STK3: variants seen among roughly 807,000 people sequenced by gnomAD.
STK3 encodes the protein serine/threonine-protein kinase 3.
STK3 carries 41 observed loss-of-function variants against 58.0 expected under a neutral mutation model. That is an observed-to-expected ratio of 0.71 (90% CI 0.55 to 0.92). The LOEUF is 0.92. Among genes scored for constraint, STK3 ranks in the 40% least tolerant of loss-of-function variants. STK3 has a pLI of 0.00. For synonymous variants in STK3, 170 were observed against 191.0 expected (o/e 0.89, Z 0.91); for missense variants, 479 against 602.7 (o/e 0.79, Z 2.15).
intron 3 of STK3, among the ~76,000 whole-genome samples, chr8:98,862,426 A>G (rs762467283): frequency 1.3e-5 from 2 of 152,238 alleles, no homozygotes; most frequent in African/African-American, 2.4e-5. Context: ...ATCAATGCAC[A>G]GTATATCCAA....
At chr8:98,520,241 A>T (rs1309892141) in intron 10 of STK3, among the ~76,000 whole-genome samples, 1 of 152,182 alleles carries the variant, frequency 6.6e-6, no homozygotes, top group East Asian at 1.9e-4. Context: ...TAGGGTTAAA[A>T]ATAATTCAAT....
chr8:98,612,392 T>C (rs1177007273), intron 6 of STK3, among the ~76,000 whole-genome samples: 1 of 149,776 alleles, frequency 6.7e-6, no homozygotes, highest in East Asian at 1.9e-4. Flanking sequence ...AACATATATA[T>C]ATATATACAC....
At chr8:98,620,969 G>A (rs914328125) in intron 6 of STK3, among the ~76,000 whole-genome samples, 15 of 131,942 alleles carry the variant, frequency 1.1e-4, no homozygotes, top group African/African-American at 2.9e-4. Flanking sequence ...TCGCTCTGTC[G>A]CCCAGGCTGG....
At chr8:98,752,334 AC>A (rs1171446353) in intron 3 of STK3, among the ~76,000 whole-genome samples, 3 of 152,208 alleles carry the variant, frequency 2.0e-5, no homozygotes, top group Non-Finnish European at 4.4e-5. Context: ...CCTGACAATA[AC>A]AGGCAATGGA....
At chr8:98,477,838 A>G (rs1481394300) in intron 10 of STK3, among the ~76,000 whole-genome samples, 1 of 150,746 alleles carries the variant, frequency 6.6e-6, no homozygotes, top group Non-Finnish European at 1.5e-5. Context: ...TGGTGGGGTC[A>G]GGGGTAATTC....
chr8:98,905,860 G>A (rs950218573), intron 1 of STK3, among the ~76,000 whole-genome samples: 1 of 152,234 alleles, frequency 6.6e-6, no homozygotes, highest in African/African-American at 2.4e-5. Flanking sequence ...CCACATGGTA[G>A]AAGGAGATTT....
At chr8:98,733,635 T>C (rs1383305380) in intron 4 of STK3, among the ~76,000 whole-genome samples, 1 of 152,190 alleles carries the variant, frequency 6.6e-6, no homozygotes, top group Non-Finnish European at 1.5e-5. Flanking sequence ...AATGAAACTT[T>C]TTCTAAATTG....
intron 4 of STK3, among the ~76,000 whole-genome samples, chr8:98,727,880 T>C (rs1180143858): frequency 1.3e-5 from 2 of 152,216 alleles, no homozygotes; most frequent in African/African-American, 4.8e-5. Flanking sequence ...TTTTATGGCA[T>C]AATCAACTCA....
At chr8:98,584,887 T>A (rs1814346995) in intron 7 of STK3, among the ~76,000 whole-genome samples, 1 of 151,756 alleles carries the variant, frequency 6.6e-6, no homozygotes, top group African/African-American at 2.4e-5. Flanking sequence ...TTTAGCTGCA[T>A]AAATGTCTTC....
chr8:98,767,609 A>T (rs1831030592), intron 2 of STK3, among the ~76,000 whole-genome samples: 2 of 152,222 alleles, frequency 1.3e-5, no homozygotes, highest in South Asian at 4.1e-4. Context: ...TATTTTTCTT[A>T]TGAATGAAAG....
intron 4 of STK3, among the ~76,000 whole-genome samples, chr8:98,713,396 A>G (rs1352623068): frequency 6.6e-6 from 1 of 152,154 alleles, no homozygotes; most frequent in African/African-American, 2.4e-5. Context: ...AGACTAATAG[A>G]AAAGAGAGAA....
chr8:98,673,366 C>T (rs1822965797), intron 6 of STK3, among the ~76,000 whole-genome samples: 1 of 152,158 alleles, frequency 6.6e-6, no homozygotes, highest in Non-Finnish European at 1.5e-5. Context: ...ATAGTACTAA[C>T]ACCCACAAAA....
At chr8:98,794,805 C>T (rs571385994) in intron 1 of STK3, among the ~76,000 whole-genome samples, 109 of 151,986 alleles carry the variant, frequency 7.2e-4, no homozygotes, top group African/African-American at 2.3e-3. Flanking sequence ...CAGTGGCTCA[C>T]GCCTGTAATC....
At chr8:98,701,114 G>GAGCT (rs1825566621) in intron 6 of STK3, among the ~76,000 whole-genome samples, 1 of 148,084 alleles carries the variant, frequency 6.8e-6, no homozygotes, top group Admixed American at 6.7e-5. Context: ...GGGCTGCAGT[G>GAGCT]AGCTGTGATT....
intron 4 of STK3, among the ~76,000 whole-genome samples, chr8:98,745,500 A>C (rs73277822): frequency 0.018 from 2,692 of 152,294 alleles, 73 homozygotes; most frequent in African/African-American, 0.062. Flanking sequence ...GAGAAAATAC[A>C]TTTAAAAGTC....
chr8:98,698,377 T>C (rs1825190901), intron 6 of STK3, among the ~76,000 whole-genome samples: 2 of 152,198 alleles, frequency 1.3e-5, no homozygotes, highest in African/African-American at 4.8e-5. Flanking sequence ...AAAGTTAATA[T>C]TGTTATGTGT....
chr8:98,749,260 AT>A lies in STK3; in HGVS notation c.351+15del, dbSNP rs778018387. The A allele has an allele frequency of 1.3e-6, 2 of 1,557,840 alleles. No homozygotes were observed. The highest frequency in any genetic ancestry group is 3.6e-5 in the Admixed American group (2 of 55,138). ...CTTTAGAAATGATATTAGCAAAACA[AT>A]TTTAAAATACTTACTGTCTTGTTTC... On this transcript the variant is annotated intron_variant, in intron 4 of 10. Transcript: ENST00000419617.
At chr8:98,641,880 C>T (rs1475711279) in intron 6 of STK3, among the ~76,000 whole-genome samples, 1 of 152,124 alleles carries the variant, frequency 6.6e-6, no homozygotes, top group South Asian at 2.1e-4. Context: ...ATGCCCAATA[C>T]AGCTTTATAT....
At chr8:98,391,902 C>G (rs1311167051), upstream of STK3, among the ~76,000 whole-genome samples, 1 of 152,156 alleles carries the variant, frequency 6.6e-6, no homozygotes, top group Non-Finnish European at 1.5e-5. Context: ...TGATGAATTT[C>G]TACAGATTTA....
Sources: allele counts gnomAD v4.1 joint callset (sites outside exome capture counted in the v4.1 genomes callset), GRCh38; gene constraint gnomAD v4.1.1; transcripts MANE v1.5; gene names NCBI Gene and HGNC (gene_info 2026-07-23, HGNC 2026-07-21).